Variants in STRN observed in about 807,000 individuals in gnomAD.
The protein encoded by STRN is striatin.
Under a neutral mutation model 96.3 loss-of-function variants are expected in STRN, and 53 were observed. That is an observed-to-expected ratio of 0.55 (90% CI 0.44 to 0.69). The LOEUF (loss-of-function observed/expected upper bound fraction) is 0.69. Ranked by LOEUF, STRN falls within the 30% of genes least tolerant of loss-of-function variation. The probability of loss-of-function intolerance (pLI) is 0.00; values close to 1 mark genes in which losing one functional copy is unlikely to be tolerated. For synonymous variants in STRN, 428 were observed against 355.9 expected (o/e 1.20, Z -2.28); for missense variants, 987 against 963.9 (o/e 1.02, Z -0.32).
intron 1 of STRN, among the ~76,000 whole-genome samples, chr2:36,943,926 G>T (rs975221827): frequency 2.6e-5 from 4 of 151,858 alleles, no homozygotes; most frequent in Non-Finnish European, 5.9e-5. Context: ...AGACCAGCCT[G>T]GCCAACATGG....
intron 3 of STRN, among the ~76,000 whole-genome samples, chr2:36,914,424 G>C (rs1264814803): frequency 6.6e-6 from 1 of 152,108 alleles, no homozygotes; most frequent in Non-Finnish European, 1.5e-5. Context: ...TATAGTTTTA[G>C]AACAGTTTTT....
chr2:36,869,595 T>G lies in STRN; in HGVS notation c.1458A>C (p.Thr486=), dbSNP rs778372713. 3.1e-6 allele frequency: 5 copies of G among 1,598,356 alleles called. No individual in the cohort carries two copies. The highest frequency in any genetic ancestry group is 4.3e-6 in the Non-Finnish European group (5 of 1,172,366). Residue 486 remains threonine, a synonymous_variant, in exon 11 of 18, where the codon ACA becomes ACC. Transcript: ENST00000263918. ...PVLITASEDH[T]LKMWNLQKTA... Reference sequence around the variant, plus strand: ...TTTTCTGTAAATTCCACATTTTTAATGTGTGATCCTCTGATGCTGTTATCA... The same window carrying G: ...TTTTCTGTAAATTCCACATTTTTAAGGTGTGATCCTCTGATGCTGTTATCA...
intron 12 of STRN, among the ~76,000 whole-genome samples, chr2:36,864,939 T>C (rs1043752460): frequency 6.6e-5 from 10 of 152,216 alleles, no homozygotes; most frequent in African/African-American, 2.2e-4. Flanking sequence ...GGTCTCGAAC[T>C]CCTGATCTCA....
In STRN at chr2:36,844,386, T is replaced by G. The variant is rs1307703612; in HGVS notation, c.*5070A>C. ...TAAAATACCATTCTCTGAGACATTT[T>G]CAGAGAGGAGCTAACTAACACCCAC... On this transcript the variant is annotated 3_prime_UTR_variant, in exon 18 of 18. Coordinates refer to ENST00000263918, the MANE Select transcript of STRN (RefSeq NM_003162.4). 1.3e-5 allele frequency: 2 copies of G among 152,174 alleles called. No individual in the cohort carries two copies. The highest frequency in any genetic ancestry group is 4.8e-5 in the African/African-American group (2 of 41,438). The allele number at this position is 152,174 out of a possible 1,614,324, so 9.4% of individuals were successfully genotyped here.
intron 10 of STRN, among the ~76,000 whole-genome samples, chr2:36,873,210 T>C (rs534884006): frequency 2.6e-5 from 4 of 152,362 alleles, no homozygotes; most frequent in African/African-American, 7.2e-5. Flanking sequence ...AGTGGCTGCA[T>C]ACATCTGAGA....
At chr2:36,859,743 G>C (rs1668430576) in intron 13 of STRN, among the ~76,000 whole-genome samples, 1 of 152,190 alleles carries the variant, frequency 6.6e-6, no homozygotes, top group South Asian at 2.1e-4. Context: ...AACAGAAATT[G>C]TCACAAAGGG....
At chr2:36,903,896 A>G (rs1365559739) in intron 4 of STRN, among the ~76,000 whole-genome samples, 1 of 152,234 alleles carries the variant, frequency 6.6e-6, no homozygotes, top group African/African-American at 2.4e-5. Context: ...AACAAATAAT[A>G]TTTGAGACAT....
At chr2:36,869,474 C>A in intron 11 of STRN, 80 bp downstream of exon 11, 4 of 1,226,260 alleles carry the variant, frequency 3.3e-6, no homozygotes, top group Non-Finnish European at 4.3e-6. Context: ...GGAAATTTAA[C>A]AGAAATCATA....
intron 12 of STRN, among the ~76,000 whole-genome samples, chr2:36,866,407 T>C (rs77931966): frequency 0.013 from 1,963 of 152,326 alleles, 43 homozygotes; most frequent in African/African-American, 0.045. Flanking sequence ...GAGAGTGTGG[T>C]TGGCATGATT....
At chr2:36,924,557 A>T (rs1225998286) in intron 2 of STRN, among the ~76,000 whole-genome samples, 1 of 152,170 alleles carries the variant, frequency 6.6e-6, no homozygotes, top group Non-Finnish European at 1.5e-5. Context: ...TGCTTCTTCA[A>T]AACAGGCAGA....
intron 1 of STRN, among the ~76,000 whole-genome samples, chr2:36,929,390 T>C (rs1298096752): frequency 1.3e-5 from 2 of 152,070 alleles, no homozygotes; most frequent in Admixed American, 1.3e-4. Flanking sequence ...CCCACCCCTT[T>C]TTTTTTCTTT....
intron 1 of STRN, among the ~76,000 whole-genome samples, chr2:36,942,669 A>C (rs143779428): frequency 8.7e-4 from 133 of 152,234 alleles, no homozygotes; most frequent in African/African-American, 3.1e-3. Flanking sequence ...TAACATATCT[A>C]TCTCTCCCAG....
chr2:36,892,509 G>A (rs569520277), intron 7 of STRN, among the ~76,000 whole-genome samples: 2 of 152,154 alleles, frequency 1.3e-5, no homozygotes, highest in African/African-American at 4.8e-5. Flanking sequence ...CTTTTTTATT[G>A]AGAAGAACAC....
rs1051192344 is a variant in STRN at position 36,869,671 on chromosome 2, C to T, written c.1382G>A (p.Ser461Asn). The stretch of plus-strand genomic sequence containing the variant: ...AAGGGCTCGGATGCCATCAAAGTGA[C>T]TTCTCAATGTAAACTTAGGGTTCCA... ...KTWNPKFTLRSHFDGIRALAF... is the reference protein window; with the variant it reads ...KTWNPKFTLRNHFDGIRALAF... Residue 461 changes from serine to asparagine, a missense_variant, in exon 11 of 18, where the codon AGT (serine) becomes AAT (asparagine). Transcript: ENST00000263918. The T allele has an allele frequency of 2.5e-6, 4 of 1,612,324 alleles. No homozygotes were observed. In the African/African-American group the frequency reaches 4.0e-5, roughly 16 times the overall value.
intron 1 of STRN, among the ~76,000 whole-genome samples, chr2:36,940,738 G>C (rs1670824228): frequency 6.6e-6 from 1 of 150,938 alleles, no homozygotes; most frequent in African/African-American, 2.4e-5. Context: ...TCGGGAGGCT[G>C]AGGCAGGAGA....
At chr2:36,913,815 G>C (rs1225403120) in intron 3 of STRN, among the ~76,000 whole-genome samples, 1 of 152,200 alleles carries the variant, frequency 6.6e-6, no homozygotes, top group Non-Finnish European at 1.5e-5. Context: ...ATTTGAGTTA[G>C]GAAGTATTCC....
intron 1 of STRN, among the ~76,000 whole-genome samples, chr2:36,933,923 A>C (rs1670637665): frequency 6.6e-6 from 1 of 152,188 alleles, no homozygotes; most frequent in African/African-American, 2.4e-5. Context: ...CAGCCTGGCC[A>C]ACACGGCGAA....
intron 7 of STRN, among the ~76,000 whole-genome samples, chr2:36,890,039 T>C (rs1055919094): frequency 6.6e-6 from 1 of 152,206 alleles, no homozygotes; most frequent in Non-Finnish European, 1.5e-5. Flanking sequence ...TCCGGTACCC[T>C]TGCAATATGA....
chr2:36,856,890 C>T (rs1342825799), intron 14 of STRN, among the ~76,000 whole-genome samples: 3 of 152,106 alleles, frequency 2.0e-5, no homozygotes, highest in African/African-American at 2.4e-5. Flanking sequence ...CCTCCTGCTC[C>T]GGCCATGTAA....
Sources: gnomAD v4.1 joint callset for allele counts (sites outside exome capture counted in the v4.1 genomes callset) on GRCh38, gnomAD v4.1.1 for gene constraint, MANE v1.5 for transcripts, NCBI Gene and HGNC (gene_info 2026-07-23, HGNC 2026-07-21) for gene names.